The following WDFY3 variants were observed in gnomAD, a reference collection of about 807,000 sequenced individuals.
WDFY3 encodes the protein WD repeat and FYVE domain-containing protein 3.
Under a neutral mutation model 409.6 loss-of-function variants are expected in WDFY3, and 66 were observed. The observed-to-expected ratio is 0.16, with a 90% confidence interval of 0.13 to 0.20. The LOEUF is 0.20. Ranked by LOEUF, WDFY3 falls within the 10% of genes least tolerant of loss-of-function variation. The pLI is 1.00. For missense variants in WDFY3, 3,031 were observed against 4,298.1 expected (o/e 0.71, Z 8.24); for synonymous variants, 1,521 against 1,537.1 (o/e 0.99, Z 0.25).
At chr4:84,745,929 C>T (rs963466734) in intron 36 of WDFY3, among the ~76,000 whole-genome samples, 5 of 151,934 alleles carry the variant, frequency 3.3e-5, no homozygotes, top group African/African-American at 9.7e-5. Flanking sequence ...ATATCAGAGA[C>T]CATTTTTTCC....
intron 1 of WDFY3, among the ~76,000 whole-genome samples, chr4:84,945,125 A>G (rs1561133221): frequency 1.3e-5 from 2 of 152,162 alleles, no homozygotes; most frequent in African/African-American, 4.8e-5. Flanking sequence ...AATTGAGTGG[A>G]TAAGATGACC....
chr4:84,841,270 A>C lies in WDFY3; in HGVS notation c.305-7T>G. 1 of 1,608,258 alleles carries C rather than the reference A, an allele frequency of 6.2e-7. No homozygotes were observed. The highest frequency in any genetic ancestry group is 8.5e-7 in the Non-Finnish European group (1 of 1,178,606). ...ATGGCCCGACTTGCAGCCTCTATAAAACCAAAGGGAAAGCCATTAAGTGGG... is the reference window on the plus strand; with the variant it reads ...ATGGCCCGACTTGCAGCCTCTATAACACCAAAGGGAAAGCCATTAAGTGGG... On this transcript the variant is annotated splice_region_variant and splice_polypyrimidine_tract_variant and intron_variant, in intron 5 of 67. Coordinates refer to ENST00000295888, the MANE Select transcript of WDFY3 (RefSeq NM_014991.6).
At chr4:84,891,446 A>G (rs992771611) in intron 3 of WDFY3, among the ~76,000 whole-genome samples, 10 of 152,156 alleles carry the variant, frequency 6.6e-5, no homozygotes, top group African/African-American at 2.4e-4. Context: ...TTAATGCATT[A>G]AAAATATGAG....
At position 84,766,023 on chromosome 4, in the gene WDFY3, A is replaced by C. The variant is rs1743569623; in HGVS notation, c.4975T>G (p.Cys1659Gly). 1 of 1,613,852 alleles carries C rather than the reference A, an allele frequency of 6.2e-7. No individual in the cohort carries two copies. Among genetic ancestry groups the C allele is most frequent in the Admixed American group, 1.7e-5 (1 of 59,996 alleles). The change falls in exon 32 of 68, where the codon TGT (cysteine) becomes GGT (glycine). Residue 1659 changes from cysteine (C) to glycine (G), a missense_variant. Physicochemically the swap from Cys to Gly is radical, Grantham distance 159. Transcript: ENST00000295888. ...KEKTSINLQA[C>G]EELVKTLGFD... Reference sequence around the variant, plus strand: ...CCCAGTGTCTTCACCAGTTCTTCACAAGCTCTATTCAAGACAGATGGATTT... The same window carrying C: ...CCCAGTGTCTTCACCAGTTCTTCACCAGCTCTATTCAAGACAGATGGATTT...
chr4:84,694,910 G>A (rs1729842525), intron 58 of WDFY3, among the ~76,000 whole-genome samples: 1 of 152,122 alleles, frequency 6.6e-6, no homozygotes. Context: ...AAGATATAAA[G>A]AGATGAGCCA....
intron 2 of WDFY3, among the ~76,000 whole-genome samples, chr4:84,901,540 T>C (rs1034841208): frequency 5.3e-5 from 8 of 152,178 alleles, no homozygotes; most frequent in African/African-American, 1.2e-4. Context: ...CCTTTTCTTT[T>C]CAAATTACCC....
At chr4:84,678,767 C>G (rs1200921645) in intron 65 of WDFY3, 152 bp downstream of exon 65, 2 of 769,350 alleles carry the variant, frequency 2.6e-6, no homozygotes, top group South Asian at 2.2e-5. Flanking sequence ...ACTGAAGAGG[C>G]CTTCTGTGTA....
At chr4:84,943,748 AATC>A (rs1347887044) in intron 1 of WDFY3, among the ~76,000 whole-genome samples, 1 of 152,174 alleles carries the variant, frequency 6.6e-6, no homozygotes, top group Non-Finnish European at 1.5e-5. Context: ...AAGGTGACAA[AATC>A]ATCATCAACT....
intron 30 of WDFY3, among the ~76,000 whole-genome samples, chr4:84,771,812 T>A (rs182594642): frequency 6.6e-6 from 1 of 152,356 alleles, no homozygotes; most frequent in Admixed American, 6.5e-5. Flanking sequence ...CCACTGCTAA[T>A]TTGCTTCACC....
At chr4:84,783,103 A>G in intron 24 of WDFY3, 29 bp from the exon 25 acceptor site, 1 of 1,579,666 alleles carries the variant, frequency 6.3e-7, no homozygotes, top group South Asian at 1.1e-5. Flanking sequence ...AAAGAATGTA[A>G]TTATATAAGA....
rs760838769 is a variant in WDFY3, at chr4:84,684,007, G to A, written c.9662C>T (p.Ser3221Leu). 3 of 1,613,374 alleles carry A rather than the reference G, an allele frequency of 1.9e-6. No individual in the cohort carries two copies. The highest frequency in any genetic ancestry group is 2.2e-5 in the South Asian group (2 of 91,024). ...CTGCGTGTCCCATTCGTTCATCTCC[G>A]ACATGCAGCAGCAGATGATCTGCTG... ...RSQQIICCCM[S>L]EMNEWDTQNV... The change falls in exon 63 of 68, where the codon TCG (serine) becomes TTG (leucine). Residue 3221 changes from serine (S) to leucine (L), a missense_variant. Around this residue, in one of 16 missense-constraint regions of WDFY3, gnomAD observed 378 missense variants for 477.3 expected, o/e 0.79. Coordinates refer to ENST00000295888, the MANE Select transcript of WDFY3 (RefSeq NM_014991.6).
chr4:84,814,571 AG>A (rs1223499932), intron 13 of WDFY3, among the ~76,000 whole-genome samples: 1 of 152,244 alleles, frequency 6.6e-6, no homozygotes, highest in African/African-American at 2.4e-5. Flanking sequence ...CCCTGTGTCC[AG>A]TGTACATATG....
At chr4:84,709,678 T>C (rs758195562) in intron 51 of WDFY3, among the ~76,000 whole-genome samples, 1 of 152,240 alleles carries the variant, frequency 6.6e-6, no homozygotes, top group Non-Finnish European at 1.5e-5. Flanking sequence ...CTCTAGGTCA[T>C]ATTCAAAAGA....
intron 41 of WDFY3, among the ~76,000 whole-genome samples, chr4:84,736,573 A>G (rs1737468159): frequency 1.3e-5 from 2 of 152,192 alleles, no homozygotes. Flanking sequence ...TAACATGCAA[A>G]TTTAACTATA....
intron 16 of WDFY3, among the ~76,000 whole-genome samples, chr4:84,802,237 G>A (rs375220145): frequency 4.0e-5 from 6 of 150,852 alleles, no homozygotes; most frequent in African/African-American, 1.5e-4. Context: ...GTGAGCCACC[G>A]CACCCGGCAG....
At chr4:84,795,146 A>C (rs539539238) in intron 19 of WDFY3, among the ~76,000 whole-genome samples, 167 bp from the exon 20 acceptor site, 1 of 152,308 alleles carries the variant, frequency 6.6e-6, no homozygotes, top group Non-Finnish European at 1.5e-5. Flanking sequence ...TAATTATGTA[A>C]GGGTATCAAA....
At chr4:84,759,713 A>G (rs565743379) in intron 32 of WDFY3, among the ~76,000 whole-genome samples, 2 of 150,334 alleles carry the variant, frequency 1.3e-5, no homozygotes, top group African/African-American at 2.5e-5. Flanking sequence ...GGCTGAGACA[A>G]TGGGGTTTTC....
At chr4:84,675,248 G>A (rs144469766) in intron 67 of WDFY3, among the ~76,000 whole-genome samples, 1 of 152,052 alleles carries the variant, frequency 6.6e-6, no homozygotes, top group East Asian at 2.0e-4. Context: ...GAGCCACTGT[G>A]CCCGGTCCCA....
intron 17 of WDFY3, among the ~76,000 whole-genome samples, chr4:84,798,735 T>C (rs1189833479): frequency 6.6e-6 from 1 of 152,188 alleles, no homozygotes; most frequent in South Asian, 2.1e-4. Context: ...ACCCAGACCA[T>C]ATTATTTTAC....
Sources: allele counts gnomAD v4.1 joint callset (sites outside exome capture counted in the v4.1 genomes callset), GRCh38; gene constraint gnomAD v4.1.1; regional missense constraint gnomAD v4.1.1; transcripts MANE v1.5; gene names NCBI Gene and HGNC (gene_info 2026-07-23, HGNC 2026-07-21).